The following CNTLN variants were observed in gnomAD, a reference collection of about 807,000 sequenced individuals.
CNTLN encodes centlein, centrosomal protein.
In CNTLN, 212 loss-of-function variants were observed where a neutral mutation model predicts 180.0. The observed-to-expected ratio is 1.18, with a 90% confidence interval of 1.05 to 1.32. The LOEUF is 1.32. Among genes scored for constraint, CNTLN ranks in the 40% most tolerant of loss-of-function variants. CNTLN has a pLI of 0.00. For synonymous variants in CNTLN, 722 were observed against 563.1 expected, an observed-to-expected ratio of 1.28 and a Z score of -3.99; for missense variants, 2,095 against 1,610.9, an observed-to-expected ratio of 1.30 and a Z score of -5.14.
chr9:17,274,051 G>T (rs996073662), intron 6 of CNTLN, among the ~76,000 whole-genome samples, 185 bp downstream of exon 6: 1 of 151,912 alleles, frequency 6.6e-6, no homozygotes, highest in Non-Finnish European at 1.5e-5. Flanking sequence ...AGAATGAGTG[G>T]GTCTACAGGA....
chr9:17,269,182 A>G (rs918695356), intron 5 of CNTLN, among the ~76,000 whole-genome samples: 2 of 152,080 alleles, frequency 1.3e-5, no homozygotes, highest in Non-Finnish European at 1.5e-5. Flanking sequence ...TGTTGGCTCC[A>G]TCTGTATCAA....
intron 8 of CNTLN, among the ~76,000 whole-genome samples, chr9:17,312,387 T>TA (rs1554686030): frequency 7.6e-5 from 8 of 104,834 alleles, no homozygotes; most frequent in South Asian, 4.0e-4. Flanking sequence ...TATATATAAT[T>TA]TATTTATTTA....
At chr9:17,487,780 T>G (rs1056549062) in intron 25 of CNTLN, among the ~76,000 whole-genome samples, 3 of 152,112 alleles carry the variant, frequency 2.0e-5, no homozygotes, top group Admixed American at 6.5e-5. Context: ...TTCAAGTATT[T>G]TTTTAATACA....
intron 8 of CNTLN, among the ~76,000 whole-genome samples, chr9:17,326,988 T>G (rs1165963606): frequency 6.6e-6 from 1 of 152,126 alleles, no homozygotes; most frequent in Non-Finnish European, 1.5e-5. Context: ...ACTATGTCCT[T>G]CAGTTACTAA....
intron 18 of CNTLN, among the ~76,000 whole-genome samples, chr9:17,450,947 G>A (rs1050488476): frequency 2.0e-5 from 3 of 151,988 alleles, no homozygotes; most frequent in African/African-American, 7.2e-5. Context: ...AAACTTGGAA[G>A]TTATTAATCT....
rs1829149644 is a variant in CNTLN at position 17,427,289 on chromosome 9, T to G, written c.3114+11100T>G. On this transcript the variant is annotated intron_variant, in intron 18 of 25. Coordinates refer to ENST00000380647, the MANE Select transcript of CNTLN (RefSeq NM_017738.4). ...AGCACTTGAGTTGCTGCTTCTTTTT[T>G]TTTTTTTTTTTAGATTTTTCAGCAA... Among the ~76,000 whole-genome samples, 3 of 110,984 alleles carry G rather than the reference T, an allele frequency of 2.7e-5. No individual in the cohort carries two copies. The South Asian group carries it at 9.6e-4, about 35-fold the overall frequency. 72.8% of individuals were successfully genotyped at this position (110,984 alleles called of 152,430 possible). A position where few individuals can be genotyped will look rare whatever the true frequency, so the allele number is the denominator to read the frequency against.
At position 17,248,692 on chromosome 9, in the gene CNTLN, A is replaced by C. The variant is rs1825949796; in HGVS notation, c.849+12104A>C. ...ATGTATATAGAGAAAAAATAATAAA[A>C]TGGCAGCTTCCTTATTAATACTTAC... On this transcript the variant is annotated intron_variant, in intron 5 of 25. Coordinates refer to ENST00000380647, the MANE Select transcript of CNTLN (RefSeq NM_017738.4). 4.0e-5 allele frequency among the ~76,000 whole-genome samples: 6 copies of C among 151,014 alleles called. 1 individual carries two copies. The South Asian group carries it at 1.2e-3, about 31-fold the overall frequency.
chr9:17,189,557 C>G (rs932982001), intron 2 of CNTLN, among the ~76,000 whole-genome samples: 3 of 151,494 alleles, frequency 2.0e-5, no homozygotes, highest in African/African-American at 7.3e-5. Flanking sequence ...GATCTTGGCT[C>G]ACTGCAACCT....
intron 7 of CNTLN, among the ~76,000 whole-genome samples, chr9:17,306,766 CTAT>C (rs1460819739): frequency 6.6e-6 from 1 of 152,084 alleles, no homozygotes; most frequent in Non-Finnish European, 1.5e-5. Context: ...ATAATATGTT[CTAT>C]TATTTACCTC....
chr9:17,421,824 A>AGTTGTTG (rs1354581030), intron 18 of CNTLN, among the ~76,000 whole-genome samples: 3 of 152,176 alleles, frequency 2.0e-5, no homozygotes, highest in Non-Finnish European at 1.5e-5. Flanking sequence ...CTCTGATTAT[A>AGTTGTTG]AAAACAATAG....
intron 13 of CNTLN, among the ~76,000 whole-genome samples, chr9:17,370,770 T>C (rs1435128451): frequency 6.6e-6 from 1 of 151,172 alleles, no homozygotes; most frequent in Non-Finnish European, 1.5e-5. Flanking sequence ...TAATAAGATA[T>C]AAACAACAAA....
Position 17,392,656 on chromosome 9 carries a change from G to A in CNTLN, c.2080-1878G>A, listed in dbSNP as rs150972891. On this transcript the variant is annotated intron_variant, in intron 14 of 25. Transcript: ENST00000380647. ...GTCCTTTAAGGACATAGGTCCAATA[G>A]TAGGTTAATATATCATACCATGGAA... Among the ~76,000 whole-genome samples, 338 of 152,088 alleles carry A rather than the reference G, an allele frequency of 2.2e-3. 3 individuals carry two copies. The highest frequency in any genetic ancestry group is 7.6e-3 in the African/African-American group (317 of 41,472).
At chr9:17,279,955 T>C (rs1828564084) in intron 6 of CNTLN, among the ~76,000 whole-genome samples, 1 of 152,180 alleles carries the variant, frequency 6.6e-6, no homozygotes, top group Admixed American at 6.5e-5. Flanking sequence ...TGAGCTAGTA[T>C]GCTCAGCTTC....
At chr9:17,528,244 C>G in the CNTLN span, among the ~76,000 whole-genome samples, 12 of 152,144 alleles carry the variant, frequency 7.9e-5, no homozygotes, top group African/African-American at 1.9e-4. Context: ...AGTGGAGAAA[C>G]CTGACAAACA....
chr9:17,520,827 G>A, the CNTLN span, among the ~76,000 whole-genome samples: 5,331 of 152,256 alleles, frequency 0.035, 294 homozygotes, highest in African/African-American at 0.12. Context: ...AATGCTAGTG[G>A]TCAGGGCAGC....
chr9:17,434,255 C>G (rs1829623030), intron 18 of CNTLN, among the ~76,000 whole-genome samples: 1 of 151,738 alleles, frequency 6.6e-6, no homozygotes, highest in African/African-American at 2.4e-5. Flanking sequence ...CTGCTCTTAT[C>G]TTTATTAGTT....
At chr9:17,327,035 G>A (rs911579969) in intron 8 of CNTLN, among the ~76,000 whole-genome samples, 2 of 152,078 alleles carry the variant, frequency 1.3e-5, no homozygotes, top group African/African-American at 4.8e-5. Flanking sequence ...TGTAACAAAT[G>A]TACCATACTA....
intron 13 of CNTLN, among the ~76,000 whole-genome samples, chr9:17,368,453 C>T (rs879787214): frequency 1.3e-5 from 2 of 152,192 alleles, no homozygotes; most frequent in East Asian, 3.9e-4. Flanking sequence ...ACAAGTCTGA[C>T]TGGCTTCACA....
intron 18 of CNTLN, among the ~76,000 whole-genome samples, chr9:17,434,140 A>G (rs1239893278): frequency 6.6e-6 from 1 of 151,664 alleles, no homozygotes; most frequent in African/African-American, 2.4e-5. Context: ...TCTTCTTTTT[A>G]TTTTTCTTGT....
Sources: gnomAD v4.1 joint callset for allele counts (sites outside exome capture counted in the v4.1 genomes callset) on GRCh38, gnomAD v4.1.1 for gene constraint, MANE v1.5 for transcripts, NCBI Gene and HGNC (gene_info 2026-07-23, HGNC 2026-07-21) for gene names.